Variants in DNAJB6 observed in about 807,000 individuals in gnomAD.
The protein encoded by DNAJB6 is DnaJ heat shock protein family (Hsp40) member B6.
DNAJB6 carries 16 observed loss-of-function variants against 42.7 expected under a neutral mutation model. The observed-to-expected ratio is 0.37, with a 90% CI of 0.25 to 0.57. DNAJB6 has a LOEUF of 0.57. Among genes scored for constraint, DNAJB6 ranks in the 20% least tolerant of loss-of-function variants. DNAJB6 has a pLI of 0.74. For synonymous variants in DNAJB6, 170 were observed against 163.5 expected (o/e 1.04, Z -0.30); for missense variants, 347 against 416.8 (o/e 0.83, Z 1.46).
chr7:157,401,781 C>G (rs915999058), intron 8 of DNAJB6, among the ~76,000 whole-genome samples: 1 of 152,194 alleles, frequency 6.6e-6, no homozygotes, highest in Non-Finnish European at 1.5e-5. Context: ...GGAACAGGAC[C>G]GAGGCGGTGT....
chr7:157,383,378 T>C (rs2117081378), intron 6 of DNAJB6, among the ~76,000 whole-genome samples: 1 of 152,294 alleles, frequency 6.6e-6, no homozygotes, highest in South Asian at 2.1e-4. Flanking sequence ...GCTTGTTATA[T>C]AGGGTTCCTT....
rs1028887540 is a variant in DNAJB6 at position 157,416,311 on chromosome 7, C to T, written c.*213C>T. On this transcript the variant is annotated 3_prime_UTR_variant, in exon 10 of 10. Coordinates refer to ENST00000262177, the MANE Select transcript of DNAJB6 (RefSeq NM_058246.4). ...CGGGGACAGACGTTTGGGACTTGGC[C>T]GCGACTCTCTGCTTCTCTCCAGCTC... 30 of 621,158 alleles carry T rather than the reference C, an allele frequency of 4.8e-5. No individual in the cohort carries two copies. Among genetic ancestry groups the T allele is most frequent in the Middle Eastern group, 4.5e-4 (1 of 2,242 alleles). 38.5% of individuals were successfully genotyped at this position (621,158 alleles called of 1,614,324 possible).
chr7:157,416,327 T>C lies in DNAJB6; in HGVS notation c.*229T>C. The C allele has an allele frequency of 1.8e-6, 1 of 560,522 alleles. No homozygotes were observed. The highest frequency in any genetic ancestry group is 3.1e-5 in the East Asian group (1 of 32,776). The allele number at this position is 560,522 out of a possible 1,614,324, so 34.7% of individuals were successfully genotyped here. Reference sequence around the variant, plus strand: ...GGACTTGGCCGCGACTCTCTGCTTCTCTCCAGCTCTCAATCTGCTGCATTT... The same window carrying C: ...GGACTTGGCCGCGACTCTCTGCTTCCCTCCAGCTCTCAATCTGCTGCATTT... On this transcript the variant is annotated 3_prime_UTR_variant, in exon 10 of 10. Coordinates refer to ENST00000262177, the MANE Select transcript of DNAJB6 (RefSeq NM_058246.4).
At chr7:157,343,285 G>A (rs1798512713) in intron 1 of DNAJB6, among the ~76,000 whole-genome samples, 1 of 151,766 alleles carries the variant, frequency 6.6e-6, no homozygotes, top group African/African-American at 2.4e-5. Context: ...TCAGGCTGCC[G>A]AGTAGCTGGG....
chr7:157,382,320 T>C lies in DNAJB6; in HGVS notation c.421T>C (p.Phe141Leu). Residue 141 changes from phenylalanine to leucine, a missense_variant, in exon 6 of 10, where the codon TTC becomes CTC. Transcript: ENST00000262177. ...GSRSRGTGSF[F>L]SAFSGFPSFG... is the part of the protein sequence containing the mutation. ...CAGAAGCCGAGGGACGGGGTCGTTTTTCTCTGCGTTCAGTGGATTTCCGTC... is the reference window on the plus strand; with the variant it reads ...CAGAAGCCGAGGGACGGGGTCGTTTCTCTCTGCGTTCAGTGGATTTCCGTC... 6.2e-7 allele frequency: 1 copy of C among 1,612,250 alleles called. No homozygotes were observed. Among genetic ancestry groups the C allele is most frequent in the South Asian group, 1.1e-5 (1 of 90,868 alleles).
At chr7:157,375,140 T>A (rs1235047805) in intron 5 of DNAJB6, among the ~76,000 whole-genome samples, 1 of 152,040 alleles carries the variant, frequency 6.6e-6, no homozygotes, top group Non-Finnish European at 1.5e-5. Flanking sequence ...CTTTGACAGG[T>A]TTAGGGAATA....
At chr7:157,373,881 A>G (rs1358481091) in intron 5 of DNAJB6, among the ~76,000 whole-genome samples, 5 of 152,160 alleles carry the variant, frequency 3.3e-5, no homozygotes, top group African/African-American at 1.2e-4. Flanking sequence ...TTAAATACAC[A>G]TAAAAACATC....
At chr7:157,377,591 T>A (rs915199269) in intron 5 of DNAJB6, among the ~76,000 whole-genome samples, 1 of 151,972 alleles carries the variant, frequency 6.6e-6, no homozygotes, top group African/African-American at 2.4e-5. Context: ...ACTGGAGCAG[T>A]CTCCTCCCCC....
At chr7:157,370,165 T>TAACATTATTATTAAACAGGCCCCTTCTC (rs1800117957) in intron 5 of DNAJB6, among the ~76,000 whole-genome samples, 1 of 145,934 alleles carries the variant, frequency 6.9e-6, no homozygotes, top group African/African-American at 2.5e-5. Context: ...GGCCCCTTCT[T>TAACATTATTATTAAACAGGCCCCTTCTC]AACATTATTA....
At chr7:157,367,244 G>T in intron 4 of DNAJB6, 129 bp from the exon 5 acceptor site, 2 of 649,216 alleles carry the variant, frequency 3.1e-6, no homozygotes, top group Non-Finnish European at 5.5e-6. Flanking sequence ...GAATTATAGA[G>T]AACTTCAGGT....
At chr7:157,405,842 C>T (rs1167382257) in intron 8 of DNAJB6, among the ~76,000 whole-genome samples, 4 of 152,366 alleles carry the variant, frequency 2.6e-5, no homozygotes, top group Admixed American at 2.0e-4. Context: ...TCTGTCCATC[C>T]TGCCTGCTGT....
chr7:157,378,613 C>T (rs554952882), intron 5 of DNAJB6: 2 of 152,380 alleles, frequency 1.3e-5, no homozygotes, highest in East Asian at 3.9e-4. Context: ...CAAGTCTGCA[C>T]TTCACATGCT....
At chr7:157,382,192 AG>A in intron 5 of DNAJB6, 53 bp from the exon 6 acceptor site, 1 of 1,521,356 alleles carries the variant, frequency 6.6e-7, no homozygotes, top group Admixed American at 2.4e-5. Context: ...CTATCACATG[AG>A]GAAAAAAACT....
chr7:157,344,512 CAA>C (rs879823551), intron 1 of DNAJB6, among the ~76,000 whole-genome samples: 10 of 133,092 alleles, frequency 7.5e-5, no homozygotes, highest in Admixed American at 7.6e-5. Context: ...GACTCAAACT[CAA>C]AAAAAAAAAA....
intron 5 of DNAJB6, chr7:157,378,055 G>A (rs181470403): frequency 7.2e-5 from 11 of 152,306 alleles, no homozygotes; most frequent in Admixed American, 2.6e-4. Context: ...AAACTGCTAT[G>A]TGCCTAAATA....
At chr7:157,374,404 CAT>C (rs1187112888) in intron 5 of DNAJB6, among the ~76,000 whole-genome samples, 4 of 152,118 alleles carry the variant, frequency 2.6e-5, no homozygotes, top group African/African-American at 9.7e-5. Context: ...GGATTACAGA[CAT>C]GTGCCACCGC....
At chr7:157,389,209 C>CAA (rs1398708337) in intron 8 of DNAJB6, among the ~76,000 whole-genome samples, 2 of 152,192 alleles carry the variant, frequency 1.3e-5, no homozygotes, top group African/African-American at 4.8e-5. Flanking sequence ...GCCTGCTTAT[C>CAA]CTGTCTTGAT....
chr7:157,372,409 CGGCG>C (rs1800259707), intron 5 of DNAJB6, among the ~76,000 whole-genome samples: 1 of 152,200 alleles, frequency 6.6e-6, no homozygotes, highest in Non-Finnish European at 1.5e-5. Context: ...TAGAGGAGCT[CGGCG>C]AGGAGTGCGA....
At chr7:157,360,218 C>G (rs1003440296) in intron 2 of DNAJB6, among the ~76,000 whole-genome samples, 1 of 152,122 alleles carries the variant, frequency 6.6e-6, no homozygotes, top group Non-Finnish European at 1.5e-5. Context: ...GCGAAAGACA[C>G]TTCTTACATG....
Sources: allele counts gnomAD v4.1 joint callset (sites outside exome capture counted in the v4.1 genomes callset), GRCh38; gene constraint gnomAD v4.1.1; transcripts MANE v1.5; gene names NCBI Gene and HGNC (gene_info 2026-07-23, HGNC 2026-07-21).